The following KLRG2 variants were observed in gnomAD, a reference collection of about 807,000 sequenced individuals.
KLRG2 encodes the protein killer cell lectin-like receptor subfamily G member 2.
KLRG2 carries 39 observed loss-of-function variants against 35.4 expected under a neutral mutation model. The observed-to-expected ratio is 1.10, with a 90% CI of 0.85 to 1.44. The LOEUF is 1.44. KLRG2 is among the 40% of genes most tolerant of loss of function. The pLI, the probability that KLRG2 is intolerant of heterozygous loss-of-function variation, is 0.00. For missense variants in KLRG2, 632 were observed against 570.9 expected, an observed-to-expected ratio of 1.11 and a Z score of -1.09; for synonymous variants, 283 against 265.8, an observed-to-expected ratio of 1.06 and a Z score of -0.63.
chr7:139,467,000 G>A (rs1461795432), intron 3 of KLRG2, among the ~76,000 whole-genome samples: 22 of 151,960 alleles, frequency 1.4e-4, no homozygotes. Flanking sequence ...TGGACCTTGT[G>A]TCTTCTGTTT....
the KLRG2 span, among the ~76,000 whole-genome samples, chr7:139,429,225 T>TA: frequency 6.6e-6 from 1 of 152,126 alleles, no homozygotes; most frequent in African/African-American, 2.4e-5. Flanking sequence ...AGAATTGCTT[T>TA]AATCCTGGAA....
At position 139,483,496 on chromosome 7, in the gene KLRG2, A is replaced by G; in HGVS notation, c.147T>C (p.Ser49=). ...CCGCCTTCTCCACGGCCCCGGCCGGACTTGGGCTGCTTTCGGGACCTTCAG... is the reference window on the plus strand; with the variant it reads ...CCGCCTTCTCCACGGCCCCGGCCGGGCTTGGGCTGCTTTCGGGACCTTCAG... ...RQPEGPESSP[S]PAGAVEKAAG... The change falls in exon 1 of 5, where the codon AGT becomes AGC. Residue 49 remains serine, a synonymous_variant. Coordinates refer to ENST00000340940, the MANE Select transcript of KLRG2 (RefSeq NM_198508.4). The G allele has an allele frequency of 6.3e-7, 1 of 1,597,924 alleles. No individual in the cohort carries two copies. The highest frequency in any genetic ancestry group is 8.5e-7 in the Non-Finnish European group (1 of 1,178,670).
chr7:139,468,388 T>C (rs1365469544), intron 3 of KLRG2, among the ~76,000 whole-genome samples: 1 of 152,176 alleles, frequency 6.6e-6, no homozygotes, highest in East Asian at 1.9e-4. Flanking sequence ...CTGCCTTAAC[T>C]GATGACATTA....
chr7:139,457,741 C>T (rs187847847), intron 3 of KLRG2, among the ~76,000 whole-genome samples: 23 of 152,236 alleles, frequency 1.5e-4, no homozygotes, highest in South Asian at 8.3e-4. Flanking sequence ...AGGCCTCCCC[C>T]GAGCCCCAGC....
chr7:139,448,104 C>T (rs1173298856), downstream of KLRG2, among the ~76,000 whole-genome samples: 1 of 152,134 alleles, frequency 6.6e-6, no homozygotes, highest in African/African-American at 2.4e-5. Context: ...AAAGGATCCT[C>T]CATCTTCAGC....
At chr7:139,467,033 T>C (rs766549562) in intron 3 of KLRG2, among the ~76,000 whole-genome samples, 3 of 152,094 alleles carry the variant, frequency 2.0e-5, no homozygotes, top group Non-Finnish European at 4.4e-5. Flanking sequence ...CATACAAAAC[T>C]GCATCCAGGC....
chr7:139,453,567 A>G lies in KLRG2; in HGVS notation c.*20T>C. 6.3e-7 allele frequency: 1 copy of G among 1,578,794 alleles called. No individual in the cohort carries two copies. Among genetic ancestry groups the G allele is most frequent in the Non-Finnish European group, 8.6e-7 (1 of 1,162,296 alleles). On this transcript the variant is annotated 3_prime_UTR_variant, in exon 5 of 5. Coordinates refer to ENST00000340940, the MANE Select transcript of KLRG2 (RefSeq NM_198508.4). ...GGTGCTGCATCTGCCTGGCAGGCTGAGGACCAGGCAGAGCCCAGATCACTG... is the reference window on the plus strand; with the variant it reads ...GGTGCTGCATCTGCCTGGCAGGCTGGGGACCAGGCAGAGCCCAGATCACTG...
Position 139,479,647 on chromosome 7 carries a change from G to T in KLRG2, c.985C>A (p.Pro329Thr). 1.2e-6 allele frequency: 2 copies of T among 1,613,356 alleles called. No homozygotes were observed. The highest frequency in any genetic ancestry group is 1.7e-6 in the Non-Finnish European group (2 of 1,179,994). ...AFCSAYHATLPLLSHTQDFLG... is the reference protein window; with the variant it reads ...AFCSAYHATLTLLSHTQDFLG... ...CTCACCTGGGTGTGGCTTAGCAGGG[G>T]GAGGGTAGCGTGGTAGGCTGAGCAG... The change falls in exon 3 of 5, where the codon CCC (proline) becomes ACC (threonine). Residue 329 changes from proline (P) to threonine (T), a missense_variant. Physicochemically the swap from Pro to Thr is conservative, Grantham distance 38. Coordinates refer to ENST00000340940, the MANE Select transcript of KLRG2 (RefSeq NM_198508.4).
At chr7:139,460,392 G>T (rs1796547917) in intron 3 of KLRG2, among the ~76,000 whole-genome samples, 1 of 152,188 alleles carries the variant, frequency 6.6e-6, no homozygotes, top group Non-Finnish European at 1.5e-5. Flanking sequence ...AGTTTTGGAG[G>T]CTGGGTCAGG....
the KLRG2 span, among the ~76,000 whole-genome samples, chr7:139,430,915 A>T: frequency 6.6e-6 from 1 of 151,886 alleles, no homozygotes; most frequent in Non-Finnish European, 1.5e-5. Context: ...AGGCTGAGGC[A>T]GAAGAATCAC....
At chr7:139,453,818 G>C in intron 4 of KLRG2, 111 bp from the exon 5 acceptor site, 1 of 1,302,674 alleles carries the variant, frequency 7.7e-7, no homozygotes, top group Non-Finnish European at 1.1e-6. Context: ...CCTGGGCACT[G>C]AGTGAGTCAC....
the KLRG2 span, among the ~76,000 whole-genome samples, chr7:139,445,192 T>C: frequency 6.6e-6 from 1 of 152,072 alleles, no homozygotes; most frequent in South Asian, 2.1e-4. Context: ...GTAATTCTCC[T>C]GCCTCAGCCT....
chr7:139,433,532 G>GT, the KLRG2 span, among the ~76,000 whole-genome samples: 1 of 151,872 alleles, frequency 6.6e-6, no homozygotes, highest in Admixed American at 6.6e-5. Context: ...CTCCATGTTG[G>GT]TCAGGCTGGT....
intron 3 of KLRG2, among the ~76,000 whole-genome samples, chr7:139,479,399 A>C (rs1295164383): frequency 6.6e-6 from 1 of 152,174 alleles, no homozygotes; most frequent in African/African-American, 2.4e-5. Flanking sequence ...ATTTTTTTTA[A>C]AGCTGGGCAT....
At chr7:139,453,825 T>A in intron 4 of KLRG2, 118 bp from the exon 5 acceptor site, 1 of 1,214,204 alleles carries the variant, frequency 8.2e-7, no homozygotes, top group Non-Finnish European at 1.2e-6. Context: ...ACTGAGTGAG[T>A]CACTGCACTG....
At chr7:139,429,411 G>A in the KLRG2 span, among the ~76,000 whole-genome samples, 49 of 150,858 alleles carry the variant, frequency 3.2e-4, no homozygotes, top group Non-Finnish European at 5.9e-4. Flanking sequence ...ATCATTCTTG[G>A]GTGTTTCTCG....
chr7:139,448,877 G>A (rs1796338279), downstream of KLRG2: 1 of 152,080 alleles, frequency 6.6e-6, no homozygotes. Flanking sequence ...GGGAGGCTGA[G>A]GCGGGTGGAT....
At chr7:139,447,816 C>T (rs775745242), downstream of KLRG2, among the ~76,000 whole-genome samples, 3 of 152,146 alleles carry the variant, frequency 2.0e-5, no homozygotes, top group Non-Finnish European at 4.4e-5. Flanking sequence ...GCAAGCCTGG[C>T]TGCCGAAGCT....
downstream of KLRG2, among the ~76,000 whole-genome samples, chr7:139,452,126 G>A (rs1212147300): frequency 6.6e-6 from 1 of 151,750 alleles, no homozygotes. Context: ...CCACCACCAC[G>A]CCCAGCTATT....
Sources: allele counts gnomAD v4.1 joint callset (sites outside exome capture counted in the v4.1 genomes callset), GRCh38; gene constraint gnomAD v4.1.1; transcripts MANE v1.5; gene names NCBI Gene and HGNC (gene_info 2026-07-23, HGNC 2026-07-21).